Variants in ENTREP2 observed in about 807,000 individuals in gnomAD.
ENTREP2 encodes the protein protein ENTREP2.
At chr15:29,353,768 G>T in the ENTREP2 span, among the ~76,000 whole-genome samples, 1 of 152,160 alleles carries the variant, frequency 6.6e-6, no homozygotes, top group South Asian at 2.1e-4. Context: ...GCCTCACGGG[G>T]ATAGAGTTAC....
chr15:29,341,470 C>T, the ENTREP2 span, among the ~76,000 whole-genome samples: 31 of 152,324 alleles, frequency 2.0e-4, no homozygotes, highest in African/African-American at 7.0e-4. Flanking sequence ...CTGAACTGGT[C>T]TGGGCAGCTC....
the ENTREP2 span, chr15:29,126,466 C>T: frequency 1.3e-6 from 2 of 1,550,148 alleles, no homozygotes; most frequent in South Asian, 2.4e-5. Context: ...CCTCGGACAC[C>T]AGGAGGCTTG....
At chr15:29,220,814 G>GAA in the ENTREP2 span, among the ~76,000 whole-genome samples, 41 of 144,612 alleles carry the variant, frequency 2.8e-4, no homozygotes, top group African/African-American at 9.8e-4. Context: ...ACCTTTTAGG[G>GAA]AAAAAAAAAA....
chr15:29,439,289 ACACACACACACACACACAC>A, the ENTREP2 span, among the ~76,000 whole-genome samples: 1 of 98,600 alleles, frequency 1.0e-5, no homozygotes, highest in African/African-American at 2.9e-5. Flanking sequence ...GGAATTACAC[ACACACACACACACACACAC>A]ACACACACAC....
the ENTREP2 span, among the ~76,000 whole-genome samples, chr15:29,238,599 C>T: frequency 2.6e-5 from 4 of 151,950 alleles, no homozygotes; most frequent in African/African-American, 9.7e-5. Context: ...CATGCCACTG[C>T]AGTCCAGCCT....
At chr15:29,643,355 G>C in the ENTREP2 span, among the ~76,000 whole-genome samples, 6 of 152,002 alleles carry the variant, frequency 3.9e-5, no homozygotes, top group South Asian at 2.1e-4. Flanking sequence ...TATACAAATG[G>C]ACCAATAAGC....
At chr15:29,660,338 G>A in the ENTREP2 span, among the ~76,000 whole-genome samples, 2 of 152,154 alleles carry the variant, frequency 1.3e-5, no homozygotes, top group Admixed American at 1.3e-4. Flanking sequence ...TGCCCTTCTA[G>A]AGGGACTTGA....
chr15:29,575,341 T>G, the ENTREP2 span, among the ~76,000 whole-genome samples: 1 of 152,172 alleles, frequency 6.6e-6, no homozygotes, highest in African/African-American at 2.4e-5. Context: ...TAAAACTCAC[T>G]TTCCCTTAAC....
chr15:29,214,253 G>A, the ENTREP2 span, among the ~76,000 whole-genome samples: 287 of 152,186 alleles, frequency 1.9e-3, no homozygotes, highest in African/African-American at 6.4e-3. Flanking sequence ...TGTTTACTGC[G>A]GCACTATTCA....
At chr15:29,606,468 T>C in the ENTREP2 span, among the ~76,000 whole-genome samples, 1 of 151,926 alleles carries the variant, frequency 6.6e-6, no homozygotes, top group African/African-American at 2.4e-5. Context: ...TCTCCTGACC[T>C]TGTGATCCAC....
the ENTREP2 span, chr15:29,195,098 G>T: frequency 1.0e-6 from 1 of 983,034 alleles, no homozygotes; most frequent in Non-Finnish European, 1.2e-6. Flanking sequence ...GGTAATGTGG[G>T]CAGCATGAAA....
At chr15:29,554,585 G>T in the ENTREP2 span, among the ~76,000 whole-genome samples, 1 of 149,822 alleles carries the variant, frequency 6.7e-6, no homozygotes, top group African/African-American at 2.5e-5. Flanking sequence ...CAAAATCTTT[G>T]TCTTTATGGG....
At chr15:29,137,720 C>A in the ENTREP2 span, among the ~76,000 whole-genome samples, 1 of 152,144 alleles carries the variant, frequency 6.6e-6, no homozygotes, top group African/African-American at 2.4e-5. Context: ...CCTGTAATCC[C>A]AGCTACTTGG....
At chr15:29,205,011 A>C in the ENTREP2 span, among the ~76,000 whole-genome samples, 1 of 151,836 alleles carries the variant, frequency 6.6e-6, no homozygotes, top group Admixed American at 6.6e-5. Flanking sequence ...AACAACTCCC[A>C]TTCTACTTTC....
At chr15:29,357,518 T>G in the ENTREP2 span, among the ~76,000 whole-genome samples, 1 of 151,954 alleles carries the variant, frequency 6.6e-6, no homozygotes, top group African/African-American at 2.4e-5. Flanking sequence ...ACTCACATAT[T>G]ACAGAAGAAG....
At chr15:29,305,391 T>G in the ENTREP2 span, among the ~76,000 whole-genome samples, 1 of 152,224 alleles carries the variant, frequency 6.6e-6, no homozygotes, top group African/African-American at 2.4e-5. Flanking sequence ...TCATGGCTTC[T>G]GTGTGGTGCA....
the ENTREP2 span, among the ~76,000 whole-genome samples, chr15:29,249,968 CCTCA>C: frequency 6.6e-6 from 1 of 152,034 alleles, no homozygotes; most frequent in Admixed American, 6.6e-5. Context: ...GAACTCACTC[CCTCA>C]CTATCATGAG....
the ENTREP2 span, among the ~76,000 whole-genome samples, chr15:29,487,933 T>A: frequency 1.3e-5 from 2 of 152,228 alleles, no homozygotes; most frequent in African/African-American, 4.8e-5. Context: ...CCTCAAGTGA[T>A]CTGCCCACCT....
At chr15:29,380,913 G>A in the ENTREP2 span, among the ~76,000 whole-genome samples, 7 of 148,222 alleles carry the variant, frequency 4.7e-5, no homozygotes, top group Admixed American at 1.3e-4. Flanking sequence ...GTGGTGTGGC[G>A]CGATCTCGGC....
Sources: gnomAD v4.1 joint callset for allele counts (sites outside exome capture counted in the v4.1 genomes callset) on GRCh38, gnomAD v4.1.1 for gene constraint, MANE v1.5 for transcripts, NCBI Gene and HGNC (gene_info 2026-07-23, HGNC 2026-07-21) for gene names.